Variants in SORCS1 observed in about 807,000 individuals in gnomAD.
The protein encoded by SORCS1 is sortilin related VPS10 domain containing receptor 1, also known as VPS10 domain-containing receptor SorCS1.
A neutral mutation model predicts 146.1 loss-of-function variants in SORCS1; 60 were observed. The observed-to-expected ratio is 0.41, with a 90% CI of 0.33 to 0.51. The LOEUF (loss-of-function observed/expected upper bound fraction) is 0.51. Ranked by LOEUF, SORCS1 falls within the 20% of genes least tolerant of loss-of-function variation. The pLI is 0.21. For missense variants in SORCS1, 1,352 were observed against 1,487.6 expected, an observed-to-expected ratio of 0.91 and a Z score of 1.50; for synonymous variants, 637 against 584.0, an observed-to-expected ratio of 1.09 and a Z score of -1.31.
At chr10:106,783,318 C>T (rs1464617592) in intron 3 of SORCS1, among the ~76,000 whole-genome samples, 2 of 152,138 alleles carry the variant, frequency 1.3e-5, no homozygotes, top group African/African-American at 4.8e-5. Flanking sequence ...GCAATTTGCT[C>T]AAGGTTGCAC....
chr10:106,668,540 A>G (rs1420429713), intron 16 of SORCS1, among the ~76,000 whole-genome samples: 1 of 152,170 alleles, frequency 6.6e-6, no homozygotes, highest in Non-Finnish European at 1.5e-5. Flanking sequence ...ACAGAGAATG[A>G]CAACAAATTG....
intron 2 of SORCS1, among the ~76,000 whole-genome samples, chr10:106,937,009 C>T (rs577798291): frequency 6.6e-6 from 1 of 152,212 alleles, no homozygotes; most frequent in East Asian, 1.9e-4. Context: ...CCCCATTTAC[C>T]AGATGATACG....
chr10:106,989,692 T>TG (rs1564895321), intron 1 of SORCS1, among the ~76,000 whole-genome samples: 2 of 141,806 alleles, frequency 1.4e-5, no homozygotes, highest in African/African-American at 5.5e-5. Flanking sequence ...TTTTTTTTTT[T>TG]TTTTTTTTTT....
intron 1 of SORCS1, among the ~76,000 whole-genome samples, chr10:107,095,881 CCT>C (rs1964515865): frequency 6.6e-6 from 1 of 151,934 alleles, no homozygotes; most frequent in Non-Finnish European, 1.5e-5. Flanking sequence ...AAATATATGC[CCT>C]GCTTACAATA....
intron 3 of SORCS1, among the ~76,000 whole-genome samples, chr10:106,824,669 T>C (rs891853229): frequency 6.6e-5 from 10 of 151,138 alleles, no homozygotes; most frequent in African/African-American, 2.4e-4. Flanking sequence ...TGCTCAGATA[T>C]AAAGAGACAA....
chr10:106,822,349 T>C (rs936658766), intron 3 of SORCS1, among the ~76,000 whole-genome samples: 3 of 152,196 alleles, frequency 2.0e-5, no homozygotes, highest in African/African-American at 7.2e-5. Flanking sequence ...TGTTTTTCTC[T>C]ATGTTCCAAA....
In SORCS1 at chr10:107,023,155, T is replaced by C. The variant is rs187137080; in HGVS notation, c.559-66575A>G. ...TAAATTGCTGAGTCCAGAGCCTGTA[T>C]GTATGTAATTCTAGCCATCATTAGC... On this transcript the variant is annotated intron_variant, in intron 1 of 25. Transcript: ENST00000263054. Among the ~76,000 whole-genome samples, 7 of 152,310 alleles carry C rather than the reference T, an allele frequency of 4.6e-5. No individual in the cohort carries two copies. In the East Asian group the frequency reaches 1.4e-3, roughly 29 times the overall value.
chr10:106,951,418 G>C (rs565029948), intron 2 of SORCS1, among the ~76,000 whole-genome samples: 2 of 150,946 alleles, frequency 1.3e-5, no homozygotes, highest in Non-Finnish European at 2.9e-5. Flanking sequence ...GCTGAAGCAA[G>C]AGAATGGCGG....
chr10:106,856,300 T>A (rs1267082176), intron 2 of SORCS1, among the ~76,000 whole-genome samples: 3 of 152,162 alleles, frequency 2.0e-5, no homozygotes, highest in Non-Finnish European at 4.4e-5. Flanking sequence ...ATGCTGGGAT[T>A]ACTACAGGCG....
At chr10:107,013,081 G>C (rs1477484960) in intron 1 of SORCS1, among the ~76,000 whole-genome samples, 7 of 152,136 alleles carry the variant, frequency 4.6e-5, no homozygotes, top group Non-Finnish European at 8.8e-5. Flanking sequence ...CATATCCCTA[G>C]GGGCTTGTAG....
At position 106,956,599 on chromosome 10, in the gene SORCS1, A is replaced by C. The variant is rs370649696; in HGVS notation, c.559-19T>G. 762 of 1,611,318 alleles carry C rather than the reference A, an allele frequency of 4.7e-4. 2 individuals are homozygous for C. The highest frequency in any genetic ancestry group is 6.0e-4 in the Non-Finnish European group (707 of 1,177,680). On this transcript the variant is annotated intron_variant, in intron 1 of 25. Transcript: ENST00000263054. ...GAATCACCTGAAGGCAAAAGAAGAA[A>C]TCATGGTTAGTCTCAAACAATTACA...
chr10:106,871,657 C>T (rs1770621919), intron 2 of SORCS1, among the ~76,000 whole-genome samples: 1 of 152,076 alleles, frequency 6.6e-6, no homozygotes, highest in South Asian at 2.1e-4. Flanking sequence ...AACCAAATAC[C>T]CCATGTTCTC....
intron 2 of SORCS1, among the ~76,000 whole-genome samples, chr10:106,858,002 A>C (rs1015178184): frequency 2.6e-5 from 4 of 152,192 alleles, no homozygotes; most frequent in Admixed American, 2.6e-4. Flanking sequence ...ATTATGGTGC[A>C]TTCTGAGCTG....
chr10:106,711,713 C>T (rs1008626209), intron 6 of SORCS1, among the ~76,000 whole-genome samples: 5 of 152,178 alleles, frequency 3.3e-5, no homozygotes, highest in African/African-American at 1.2e-4. Context: ...GTCCTCTATT[C>T]TTCCTTCCTC....
chr10:106,645,269 G>C (rs566792451), intron 18 of SORCS1, among the ~76,000 whole-genome samples: 1 of 151,366 alleles, frequency 6.6e-6, no homozygotes, highest in African/African-American at 2.4e-5. Flanking sequence ...CCTAGGTTCA[G>C]GCGATTCTCC....
chr10:106,780,789 G>A (rs1345321212), intron 3 of SORCS1, among the ~76,000 whole-genome samples: 1 of 152,092 alleles, frequency 6.6e-6, no homozygotes, highest in Non-Finnish European at 1.5e-5. Context: ...AGGGTGTGCC[G>A]ACTGACTGCA....
In SORCS1 at chr10:106,709,256, A is replaced by G. The variant is rs762959293; in HGVS notation, c.1110T>C (p.Ser370=). Residue 370 remains serine, a synonymous_variant, in exon 7 of 26, where the codon TCT becomes TCC. Coordinates refer to ENST00000263054, the MANE Select transcript of SORCS1 (RefSeq NM_052918.5). ...ACACATAATGATCCTGAACAATCAA[A>G]GAGTCTGGGTCAATGTAGCCTGGAA... ...QPFPGYIDPD[S]LIVQDHYVFV... is the part of the protein sequence containing the mutation. 1.9e-6 allele frequency: 3 copies of G among 1,613,688 alleles called. No individual in the cohort carries two copies. The South Asian group carries it at 3.3e-5, about 18-fold the overall frequency.
intron 2 of SORCS1, among the ~76,000 whole-genome samples, chr10:106,905,995 C>T (rs1027180058): frequency 1.3e-5 from 2 of 152,192 alleles, no homozygotes; most frequent in African/African-American, 2.4e-5. Context: ...TCTCATCTAC[C>T]TCACATCAAC....
intron 1 of SORCS1, among the ~76,000 whole-genome samples, chr10:107,042,617 T>C (rs1959177352): frequency 6.6e-6 from 1 of 151,600 alleles, no homozygotes; most frequent in Non-Finnish European, 1.5e-5. Flanking sequence ...AACTATTTTT[T>C]TTTTTTTTTG....
Sources: allele counts gnomAD v4.1 joint callset (sites outside exome capture counted in the v4.1 genomes callset), GRCh38; gene constraint gnomAD v4.1.1; transcripts MANE v1.5; gene names NCBI Gene and HGNC (gene_info 2026-07-23, HGNC 2026-07-21).